The following PTPRQ variants were observed in gnomAD, a reference collection of about 807,000 sequenced individuals.
The protein encoded by PTPRQ is phosphatidylinositol phosphatase PTPRQ.
PTPRQ carries 199 observed loss-of-function variants against 246.0 expected under a neutral mutation model. The ratio of observed to expected loss-of-function variants is 0.81; its 90% CI spans 0.72 to 0.91. The LOEUF (loss-of-function observed/expected upper bound fraction) is 0.91. Among genes scored for constraint, PTPRQ ranks in the 40% least tolerant of loss-of-function variants. PTPRQ has a pLI of 0.00. For synonymous variants in PTPRQ, 869 were observed against 853.2 expected (o/e 1.02, Z -0.32); for missense variants, 2,624 against 2,528.4 (o/e 1.04, Z -0.81).
chr12:80,481,712 G>A (rs1169395806), intron 8 of PTPRQ, among the ~76,000 whole-genome samples: 1 of 151,862 alleles, frequency 6.6e-6, no homozygotes, highest in African/African-American at 2.4e-5. Context: ...AAAATCACAA[G>A]CATTCTTATA....
intron 25 of PTPRQ, chr12:80,584,079 G>C (rs1184054864): frequency 6.6e-6 from 1 of 152,152 alleles, no homozygotes; most frequent in African/African-American, 2.4e-5. Context: ...AGAGGGCTCA[G>C]GTTATAAGGT....
rs2121307586 is a variant in PTPRQ at position 80,679,817 on chromosome 12, T to C, written c.*794T>C. 1 of 152,138 alleles carries C rather than the reference T, an allele frequency of 6.6e-6. No individual in the cohort carries two copies. Among genetic ancestry groups the C allele is most frequent in the Non-Finnish European group, 1.5e-5 (1 of 67,940 alleles). 9.4% of individuals were successfully genotyped at this position (152,138 alleles called of 1,614,324 possible). ...TATCAGAGTATTTGCCCATTAGATATAGTCAACCTAATATTAACAATTCTG... is the reference window on the plus strand; with the variant it reads ...TATCAGAGTATTTGCCCATTAGATACAGTCAACCTAATATTAACAATTCTG... On this transcript the variant is annotated 3_prime_UTR_variant, in exon 45 of 45. Coordinates refer to ENST00000644991, the MANE Select transcript of PTPRQ (RefSeq NM_001145026.2).
At position 80,454,486 on chromosome 12, in the gene PTPRQ, T is replaced by G. The variant is rs58874695; in HGVS notation, c.391-3089T>G. On this transcript the variant is annotated intron_variant, in intron 3 of 44. Coordinates refer to ENST00000644991, the MANE Select transcript of PTPRQ (RefSeq NM_001145026.2). ...CTTTCTCTTGCTTGATCGCTCTGGC[T>G]AGGCCTTCCAGTACTGTGTTCAATA... 6.7e-3 allele frequency: 4,738 copies of G among 702,218 alleles called. 168 individuals are homozygous for G. The African/African-American group carries it at 0.073, about 11-fold the overall frequency. 43.5% of individuals were successfully genotyped at this position (702,218 alleles called of 1,614,324 possible).
At chr12:80,676,548 A>G (rs962665410) in intron 43 of PTPRQ, among the ~76,000 whole-genome samples, 35 of 152,306 alleles carry the variant, frequency 2.3e-4, no homozygotes, top group African/African-American at 8.2e-4. Flanking sequence ...AGGCTGAGAC[A>G]GGAGAATCGC....
At chr12:80,504,789 G>A (rs1019193257) in intron 14 of PTPRQ, among the ~76,000 whole-genome samples, 3 of 151,842 alleles carry the variant, frequency 2.0e-5, no homozygotes, top group African/African-American at 7.2e-5. Flanking sequence ...TATGATCATA[G>A]GAATAGGCTT....
intron 35 of PTPRQ, among the ~76,000 whole-genome samples, chr12:80,643,585 A>G (rs1358739396): frequency 1.3e-5 from 2 of 152,248 alleles, no homozygotes; most frequent in African/African-American, 4.8e-5. Context: ...ATTTGGTAAA[A>G]GAATACAGAA....
chr12:80,445,807 C>A, intron 3 of PTPRQ, 90 bp downstream of exon 3: 3 of 822,352 alleles, frequency 3.6e-6, no homozygotes, highest in Non-Finnish European at 6.0e-6. Flanking sequence ...CAAGCCTTTA[C>A]AGCTGAATAC....
At chr12:80,483,507 C>T (rs543089633) in intron 8 of PTPRQ, among the ~76,000 whole-genome samples, 1 of 151,314 alleles carries the variant, frequency 6.6e-6, no homozygotes, top group South Asian at 2.1e-4. Context: ...GCACATGTAC[C>T]CTAAAACTTA....
chr12:80,540,486 A>AT (rs1273161799), intron 20 of PTPRQ, among the ~76,000 whole-genome samples: 2 of 151,968 alleles, frequency 1.3e-5, no homozygotes, highest in Non-Finnish European at 2.9e-5. Context: ...TTATGTTTCA[A>AT]TTTTCAGAAT....
chr12:80,673,782 T>C (rs1901048883), intron 43 of PTPRQ, among the ~76,000 whole-genome samples: 1 of 152,136 alleles, frequency 6.6e-6, no homozygotes, highest in African/African-American at 2.4e-5. Context: ...CTATCAACTA[T>C]TAACTGTGAG....
chr12:80,670,274 A>T, intron 41 of PTPRQ, 70 bp from the exon 42 acceptor site: 1 of 1,527,204 alleles, frequency 6.5e-7, no homozygotes, highest in South Asian at 1.3e-5. Context: ...AAAAACTGGG[A>T]CTATTGCCTT....
chr12:80,532,069 G>A (rs1443439396), intron 17 of PTPRQ, among the ~76,000 whole-genome samples: 2 of 151,728 alleles, frequency 1.3e-5, no homozygotes, highest in Admixed American at 6.6e-5. Flanking sequence ...AGATACTTAT[G>A]TACAAGATTT....
intron 28 of PTPRQ, 72 bp from the exon 29 acceptor site, chr12:80,613,520 C>T: frequency 7.2e-7 from 1 of 1,395,434 alleles, no homozygotes; most frequent in Non-Finnish European, 9.5e-7. Context: ...AAGTTCAAAG[C>T]AAATAAATTT....
intron 33 of PTPRQ, among the ~76,000 whole-genome samples, chr12:80,631,306 C>CA (rs1899424414): frequency 6.6e-6 from 1 of 151,968 alleles, no homozygotes; most frequent in Non-Finnish European, 1.5e-5. Flanking sequence ...GCTCCTGTGA[C>CA]ACAAGTTTAT....
chr12:80,669,584 T>G, intron 41 of PTPRQ, 120 bp downstream of exon 41: 1 of 1,329,030 alleles, frequency 7.5e-7, no homozygotes. Context: ...TCAACAATGC[T>G]TTTGTATTGT....
At chr12:80,678,865 CT>C in intron 44 of PTPRQ, 120 bp from the exon 45 acceptor site, 1 of 1,296,470 alleles carries the variant, frequency 7.7e-7, no homozygotes, top group East Asian at 4.3e-5. Context: ...TTTAACTTTT[CT>C]CTAATCCAAG....
Position 80,624,484 on chromosome 12 carries a change from A to T in PTPRQ, c.5686+2350A>T, listed in dbSNP as rs191808209. ...GACCACATGGAGTTCTGCTATTTAG[A>T]TAGTCATTTATAGCGAGTAAGACAG... is the stretch of plus-strand genomic sequence containing the variant. On this transcript the variant is annotated intron_variant, in intron 33 of 44. Coordinates refer to ENST00000644991, the MANE Select transcript of PTPRQ (RefSeq NM_001145026.2). 1.2e-4 allele frequency among the ~76,000 whole-genome samples: 18 copies of T among 152,266 alleles called. No homozygotes were observed. In the East Asian group the frequency reaches 3.1e-3, roughly 26 times the overall value.
chr12:80,503,027 A>G (rs1434592790), intron 14 of PTPRQ, among the ~76,000 whole-genome samples: 2 of 151,788 alleles, frequency 1.3e-5, no homozygotes, highest in Admixed American at 1.3e-4. Flanking sequence ...AAAGAGGGGT[A>G]GCACGTGATG....
chr12:80,652,660 T>C lies in PTPRQ; in HGVS notation c.6025-84T>C, dbSNP rs943621204. 4 of 1,342,394 alleles carry C rather than the reference T, an allele frequency of 3.0e-6. No homozygotes were observed. In the African/African-American group the frequency reaches 6.2e-5, roughly 21 times the overall value. The allele number at this position is 1,342,394 out of a possible 1,614,324, so 83.2% of individuals were successfully genotyped here. On this transcript the variant is annotated intron_variant, in intron 37 of 44. Transcript: ENST00000644991. ...TAATTTAAAAATTAAAAAAAAAGTT[T>C]AGGACAAATAACTGTCTTTTAATAA...
Sources: gnomAD v4.1 joint callset for allele counts (sites outside exome capture counted in the v4.1 genomes callset) on GRCh38, gnomAD v4.1.1 for gene constraint, MANE v1.5 for transcripts, NCBI Gene and HGNC (gene_info 2026-07-23, HGNC 2026-07-21) for gene names.